Variants in SULT1E1 observed in about 807,000 individuals in gnomAD.
SULT1E1 encodes the protein sulfotransferase family 1E member 1, also known as sulfotransferase 1E1.
A neutral mutation model predicts 33.6 loss-of-function variants in SULT1E1; 36 were observed. That is an observed-to-expected ratio of 1.07 (90% confidence interval 0.82 to 1.41). SULT1E1 has a LOEUF of 1.41. Among genes scored for constraint, SULT1E1 ranks in the 40% most tolerant of loss-of-function variants. The pLI is 0.00. For synonymous variants in SULT1E1, 121 were observed against 111.7 expected (o/e 1.08, Z -0.53); for missense variants, 371 against 345.7 (o/e 1.07, Z -0.58).
At chr4:69,849,695 A>T in intron 4 of SULT1E1, 132 bp from the exon 5 acceptor site, 4 of 756,662 alleles carry the variant, frequency 5.3e-6, no homozygotes, top group Non-Finnish European at 7.9e-6. Flanking sequence ...TGCATAAGAC[A>T]TGTACAATTA....
downstream of SULT1E1, among the ~76,000 whole-genome samples, chr4:69,840,408 T>C (rs932324987): frequency 5.3e-5 from 8 of 152,144 alleles, no homozygotes; most frequent in Non-Finnish European, 7.3e-5. Context: ...TCCTCTGTGT[T>C]AGTGAAAGGA....
chr4:69,857,681 T>C, intron 1 of SULT1E1, 28 bp from the exon 2 acceptor site: 2 of 1,547,906 alleles, frequency 1.3e-6, no homozygotes, highest in Non-Finnish European at 1.7e-6. Flanking sequence ...CTTTATACTT[T>C]GTATGTACTT....
At chr4:69,824,485 C>T in the SULT1E1 span, among the ~76,000 whole-genome samples, 1 of 152,158 alleles carries the variant, frequency 6.6e-6, no homozygotes, top group African/African-American at 2.4e-5. Context: ...TTTTTTCTCA[C>T]TTTGTGGCTT....
At chr4:69,836,975 T>A (rs1459531632), downstream of SULT1E1, among the ~76,000 whole-genome samples, 2 of 152,164 alleles carry the variant, frequency 1.3e-5, no homozygotes, top group Non-Finnish European at 2.9e-5. Flanking sequence ...CTCAGCTACT[T>A]GGGAAGCTGA....
In SULT1E1 at chr4:69,859,712, A is replaced by G. The variant is rs1320536173; in HGVS notation, c.-10+337T>C. On this transcript the variant is annotated intron_variant, in intron 1 of 7. Coordinates refer to ENST00000226444, the MANE Select transcript of SULT1E1 (RefSeq NM_005420.3). ...CACAGGAACACAAAACTAAAAGTCA[A>G]TCTCTATTCTACCTCCTTCTACCCT... Among the ~76,000 whole-genome samples the G allele has an allele frequency of 4.6e-5, 7 of 152,204 alleles. No homozygotes were observed. The East Asian group carries it at 9.7e-4, about 21-fold the overall frequency.
chr4:69,844,928 C>T (rs1720944651), intron 6 of SULT1E1, among the ~76,000 whole-genome samples: 1 of 152,078 alleles, frequency 6.6e-6, no homozygotes, highest in Non-Finnish European at 1.5e-5. Flanking sequence ...AATGTGTATT[C>T]AAGTGCACAT....
chr4:69,858,624 G>A (rs1000388659), intron 1 of SULT1E1, among the ~76,000 whole-genome samples: 3 of 151,798 alleles, frequency 2.0e-5, no homozygotes. Flanking sequence ...CACATAAATT[G>A]CCCCAGCCCT....
chr4:69,849,589 A>C, intron 4 of SULT1E1, 26 bp from the exon 5 acceptor site: 1 of 1,544,548 alleles, frequency 6.5e-7, no homozygotes, highest in Non-Finnish European at 8.7e-7. Flanking sequence ...TGTATATTAA[A>C]CCACTTAACA....
At chr4:69,839,685 C>G (rs1225808753), downstream of SULT1E1, among the ~76,000 whole-genome samples, 1 of 152,090 alleles carries the variant, frequency 6.6e-6, no homozygotes, top group East Asian at 1.9e-4. Flanking sequence ...CATTGGCCAC[C>G]CCTATGTATT....
chr4:69,851,700 A>C (rs1186304198), intron 4 of SULT1E1, among the ~76,000 whole-genome samples: 1 of 152,210 alleles, frequency 6.6e-6, no homozygotes, highest in Non-Finnish European at 1.5e-5. Context: ...CACTATTCAC[A>C]ATAGCAAAGA....
chr4:69,858,337 A>C (rs1307342106), intron 1 of SULT1E1, among the ~76,000 whole-genome samples: 1 of 152,178 alleles, frequency 6.6e-6, no homozygotes, highest in Non-Finnish European at 1.5e-5. Flanking sequence ...AAAAATGATA[A>C]GGTTAAGCAA....
chr4:69,850,261 G>A (rs1318731167), intron 4 of SULT1E1, among the ~76,000 whole-genome samples: 1 of 151,990 alleles, frequency 6.6e-6, no homozygotes, highest in Non-Finnish European at 1.5e-5. Flanking sequence ...ATTTGTGTTA[G>A]ATCATCTGTG....
the SULT1E1 span, among the ~76,000 whole-genome samples, chr4:69,823,882 C>T: frequency 2.1e-4 from 32 of 152,018 alleles, no homozygotes; most frequent in African/African-American, 7.2e-4. Context: ...AGAATGAAGC[C>T]GCTCCTATCA....
chr4:69,859,013 T>A (rs568102631), intron 1 of SULT1E1, among the ~76,000 whole-genome samples: 3 of 152,254 alleles, frequency 2.0e-5, no homozygotes, highest in Non-Finnish European at 4.4e-5. Context: ...ATAAAATATC[T>A]TTTCTCATTC....
In SULT1E1 at chr4:69,847,806, GA is replaced by G. The variant is rs1398688710; in HGVS notation, c.497-15del. 4 of 1,555,360 alleles carry G rather than the reference GA, an allele frequency of 2.6e-6. No homozygotes were observed. The highest frequency in any genetic ancestry group is 2.3e-5 in the East Asian group (1 of 44,136). ...AACCATAAGGAACTAAAATTAGAGAGAAAAACAGTGTAAAAGTGGTATCATC... is the reference window on the plus strand; with the variant it reads ...AACCATAAGGAACTAAAATTAGAGAGAAAACAGTGTAAAAGTGGTATCATC... On this transcript the variant is annotated splice_polypyrimidine_tract_variant and intron_variant, in intron 5 of 7. Transcript: ENST00000226444.
chr4:69,830,138 C>A, the SULT1E1 span, among the ~76,000 whole-genome samples: 3 of 152,234 alleles, frequency 2.0e-5, no homozygotes, highest in East Asian at 3.8e-4. Context: ...AAATCCCTGT[C>A]CAGTCTGGCC....
downstream of SULT1E1, among the ~76,000 whole-genome samples, chr4:69,837,789 C>T (rs1411290581): frequency 6.6e-6 from 1 of 152,130 alleles, no homozygotes; most frequent in Non-Finnish European, 1.5e-5. Flanking sequence ...CCTTGACCTC[C>T]CAAAGTGCTG....
chr4:69,846,328 G>C (rs1036021939), intron 6 of SULT1E1, among the ~76,000 whole-genome samples: 1 of 124,874 alleles, frequency 8.0e-6, no homozygotes, highest in African/African-American at 2.9e-5. Flanking sequence ...AAAAAGAAAA[G>C]AAAAGGAAAA....
chr4:69,826,162 C>T, the SULT1E1 span, among the ~76,000 whole-genome samples: 1 of 152,170 alleles, frequency 6.6e-6, no homozygotes, highest in Non-Finnish European at 1.5e-5. Context: ...CGTCACTCTT[C>T]CAACCCTGGA....
Sources: gnomAD v4.1 joint callset for allele counts (sites outside exome capture counted in the v4.1 genomes callset) on GRCh38, gnomAD v4.1.1 for gene constraint, MANE v1.5 for transcripts, NCBI Gene and HGNC (gene_info 2026-07-23, HGNC 2026-07-21) for gene names.